Variants in KCNN2 observed in about 807,000 individuals in gnomAD.
KCNN2 encodes the protein small conductance calcium-activated potassium channel protein 2.
In KCNN2, 24 loss-of-function variants were observed where a neutral mutation model predicts 55.5. The observed-to-expected ratio is 0.43, with a 90% CI of 0.31 to 0.61. The LOEUF is 0.61. Ranked by LOEUF, KCNN2 falls within the 20% of genes least tolerant of loss-of-function variation. The pLI, the probability that KCNN2 is intolerant of heterozygous loss-of-function variation, is 0.08. For synonymous variants in KCNN2, 431 were observed against 336.1 expected (o/e 1.28, Z -3.09); for missense variants, 754 against 853.6 (o/e 0.88, Z 1.45).
At chr5:114,251,564 C>G (rs1240177065) in intron 2 of KCNN2, among the ~76,000 whole-genome samples, 1 of 152,112 alleles carries the variant, frequency 6.6e-6, no homozygotes, top group African/African-American at 2.4e-5. Context: ...TTTCCAAATG[C>G]TGTTCAATAG....
At chr5:114,149,820 C>G (rs1298672351) in intron 1 of KCNN2, among the ~76,000 whole-genome samples, 1 of 152,158 alleles carries the variant, frequency 6.6e-6, no homozygotes, top group Non-Finnish European at 1.5e-5. Flanking sequence ...GGACGTGAAG[C>G]TAGACAACCG....
At chr5:114,321,687 G>A (rs1756616919) in intron 2 of KCNN2, among the ~76,000 whole-genome samples, 2 of 150,526 alleles carry the variant, frequency 1.3e-5, no homozygotes, top group Admixed American at 1.3e-4. Flanking sequence ...TGTTTGTTTT[G>A]AGAGGGGGTC....
chr5:114,249,388 A>G (rs1161810241), intron 2 of KCNN2, among the ~76,000 whole-genome samples: 7 of 151,502 alleles, frequency 4.6e-5, no homozygotes, highest in Non-Finnish European at 7.4e-5. Context: ...CTCGGGTTCA[A>G]GCCATCTCCT....
intron 1 of KCNN2, among the ~76,000 whole-genome samples, chr5:114,210,067 G>T (rs1399550544): frequency 6.6e-6 from 1 of 152,070 alleles, no homozygotes; most frequent in Non-Finnish European, 1.5e-5. Flanking sequence ...CTTTTATACT[G>T]TAAACAAGTA....
At chr5:114,114,417 T>G (rs755531949) in intron 1 of KCNN2, among the ~76,000 whole-genome samples, 1 of 151,986 alleles carries the variant, frequency 6.6e-6, no homozygotes, top group Non-Finnish European at 1.5e-5. Flanking sequence ...ATTTTTATTT[T>G]TTGTGGAGAC....
At chr5:114,452,631 A>T (rs1460692926) in intron 3 of KCNN2, among the ~76,000 whole-genome samples, 1 of 152,196 alleles carries the variant, frequency 6.6e-6, no homozygotes, top group Non-Finnish European at 1.5e-5. Context: ...GAGCTTTTAA[A>T]AAATCCCTGT....
chr5:114,257,577 A>G (rs2150002778), intron 2 of KCNN2, among the ~76,000 whole-genome samples: 1 of 152,092 alleles, frequency 6.6e-6, no homozygotes, highest in Non-Finnish European at 1.5e-5. Context: ...ACCTCATTGG[A>G]TAAGTGTATT....
chr5:114,493,222 G>A (rs558734385), intron 6 of KCNN2, 181 bp from the exon 7 acceptor site: 38 of 671,528 alleles, frequency 5.7e-5, no homozygotes, highest in Admixed American at 2.7e-4. Flanking sequence ...TCTTTTTTGC[G>A]GTGTTGGGGA....
chr5:114,197,499 C>T (rs1580610137), intron 1 of KCNN2, among the ~76,000 whole-genome samples: 1 of 152,194 alleles, frequency 6.6e-6, no homozygotes, highest in Non-Finnish European at 1.5e-5. Context: ...CCTTGCACCT[C>T]TCATTGTGGA....
chr5:114,059,959 T>C (rs796859718), intron 1 of KCNN2, among the ~76,000 whole-genome samples: 1 of 152,274 alleles, frequency 6.6e-6, no homozygotes, highest in African/African-American at 2.4e-5. Context: ...TGAGATTTGG[T>C]TTAAAGGCCA....
At chr5:114,292,125 C>T (rs958611230) in intron 2 of KCNN2, among the ~76,000 whole-genome samples, 19 of 152,194 alleles carry the variant, frequency 1.2e-4, no homozygotes, top group Non-Finnish European at 2.6e-4. Flanking sequence ...CAAAAATTTT[C>T]TCCCATTCTG....
chr5:114,090,636 A>G (rs540073202), intron 1 of KCNN2, among the ~76,000 whole-genome samples: 2 of 152,006 alleles, frequency 1.3e-5, no homozygotes, highest in East Asian at 1.9e-4. Flanking sequence ...ATCATTGAAT[A>G]TAGATATGCT....
chr5:114,363,676 A>G (rs1757517636), intron 1 of KCNN2, among the ~76,000 whole-genome samples: 1 of 152,186 alleles, frequency 6.6e-6, no homozygotes, highest in African/African-American at 2.4e-5. Flanking sequence ...GCGTGGACCC[A>G]GCAGCCCAGC....
chr5:114,245,524 T>A (rs79431587), intron 2 of KCNN2, among the ~76,000 whole-genome samples: 283 of 152,348 alleles, frequency 1.9e-3, no homozygotes, highest in African/African-American at 6.6e-3. Flanking sequence ...AAGTAAAGTT[T>A]CTTATTTCTC....
intron 2 of KCNN2, among the ~76,000 whole-genome samples, chr5:114,277,287 A>G (rs907989998): frequency 6.6e-6 from 1 of 151,868 alleles, no homozygotes; most frequent in African/African-American, 2.4e-5. Flanking sequence ...CTTCATTTCA[A>G]CCTTGGTGAA....
chr5:114,066,199 G>A (rs1750446561), intron 1 of KCNN2, among the ~76,000 whole-genome samples: 1 of 152,196 alleles, frequency 6.6e-6, no homozygotes, highest in African/African-American at 2.4e-5. Flanking sequence ...AAGCAATGGT[G>A]TCATAAAGAA....
chr5:114,261,321 C>T (rs1052004459), intron 2 of KCNN2, among the ~76,000 whole-genome samples: 7 of 152,274 alleles, frequency 4.6e-5, no homozygotes, highest in Admixed American at 2.0e-4. Flanking sequence ...CCTTGAGCAA[C>T]ACATCCAGCA....
intron 2 of KCNN2, among the ~76,000 whole-genome samples, chr5:114,387,980 C>T (rs1561601385): frequency 1.3e-5 from 2 of 152,318 alleles, no homozygotes; most frequent in East Asian, 3.9e-4. Context: ...AGCTGCCATT[C>T]AGAAACTCAT....
intron 1 of KCNN2, among the ~76,000 whole-genome samples, chr5:114,088,856 A>G (rs1252043157): frequency 6.6e-6 from 1 of 152,136 alleles, no homozygotes; most frequent in Non-Finnish European, 1.5e-5. Flanking sequence ...CCTGACCTCA[A>G]GTGATCCACC....
Sources: gnomAD v4.1 joint callset for allele counts (sites outside exome capture counted in the v4.1 genomes callset) on GRCh38, gnomAD v4.1.1 for gene constraint, MANE v1.5 for transcripts, NCBI Gene and HGNC (gene_info 2026-07-23, HGNC 2026-07-21) for gene names.